HLCS: variants seen among roughly 807,000 people sequenced by gnomAD.
HLCS encodes holocarboxylase synthetase.
HLCS carries 53 observed loss-of-function variants against 75.0 expected under a neutral mutation model. That is an observed-to-expected ratio of 0.71 (90% CI 0.57 to 0.89). The LOEUF (loss-of-function observed/expected upper bound fraction) is 0.89, where lower values mean the gene tolerates loss of function less well. Ranked by LOEUF, HLCS falls within the 40% of genes least tolerant of loss-of-function variation. The pLI, the probability that HLCS is intolerant of heterozygous loss-of-function variation, is 0.00. For missense variants in HLCS, 966 were observed against 1,074.0 expected (o/e 0.90, Z 1.41); for synonymous variants, 431 against 428.6 (o/e 1.01, Z -0.07).
rs2089602423 is a variant in HLCS, at chr21:36,756,531, C to T, written c.2450+11G>A. On this transcript the variant is annotated intron_variant, in intron 10 of 10. Coordinates refer to ENST00000674895, the MANE Select transcript of HLCS (RefSeq NM_001352514.2). ...AGGAGTTGAAAAGAATGAAGATGAGCCAGCACTGACCTGTGGACCCAGTAT... is the reference window on the plus strand; with the variant it reads ...AGGAGTTGAAAAGAATGAAGATGAGTCAGCACTGACCTGTGGACCCAGTAT... The T allele has an allele frequency of 1.3e-6, 2 of 1,595,430 alleles. 1 individual carries two copies. The highest frequency in any genetic ancestry group is 2.7e-5 in the African/African-American group (2 of 74,140).
chr21:36,854,821 C>A (rs1601522833), intron 6 of HLCS, among the ~76,000 whole-genome samples: 1 of 152,254 alleles, frequency 6.6e-6, no homozygotes, highest in Non-Finnish European at 1.5e-5. Context: ...ACTGGACACA[C>A]ATTTAGATGA....
At chr21:36,925,454 G>A (rs947577255) in intron 5 of HLCS, among the ~76,000 whole-genome samples, 19 of 152,324 alleles carry the variant, frequency 1.2e-4, no homozygotes, top group African/African-American at 4.1e-4. Flanking sequence ...CCCAGGCTAC[G>A]GGAGCAATGC....
At chr21:36,772,065 C>T (rs1433520429) in intron 6 of HLCS, among the ~76,000 whole-genome samples, 2 of 151,002 alleles carry the variant, frequency 1.3e-5, no homozygotes, top group African/African-American at 2.4e-5. Flanking sequence ...GGGGAGTGAA[C>T]ATATTTGAAA....
rs764794827 is a variant in HLCS at position 36,938,888 on chromosome 21, GC to G, written c.436del (p.Ala146ArgfsTer28). On this transcript the variant is annotated frameshift_variant, in exon 3 of 11. Transcript: ENST00000674895. LOFTEE classifies it high-confidence loss of function. ...SVDNFSKLGV[A>X]FMEDRLHMDN... Reference sequence around the variant, plus strand: ...CATGTGGAGTCTATCTTCCATGAACGCCACCCCCAGCTTGCTGAAGTTGTCC... The same window carrying G: ...CATGTGGAGTCTATCTTCCATGAACGCACCCCCAGCTTGCTGAAGTTGTCC... The G allele has an allele frequency of 2.5e-6, 4 of 1,613,756 alleles. No individual in the cohort carries two copies. The East Asian group carries it at 6.7e-5, about 27-fold the overall frequency.
At chr21:36,758,784 C>T (rs2145740242) in intron 9 of HLCS, among the ~76,000 whole-genome samples, 1 of 152,164 alleles carries the variant, frequency 6.6e-6, no homozygotes, top group African/African-American at 2.4e-5. Flanking sequence ...AGTTTGATAC[C>T]AGCCTGGCCA....
In HLCS at chr21:36,842,742, C is replaced by CA. The variant is rs1341399720; in HGVS notation, c.1892+54117dup. 4.0e-5 allele frequency among the ~76,000 whole-genome samples: 6 copies of CA among 151,726 alleles called. No individual in the cohort carries two copies. The highest frequency in any genetic ancestry group is 1.5e-4 in the African/African-American group (6 of 41,250). Reference sequence around the variant, plus strand: ...TGGGCAACAGAGCAAGACTCAGTCTCAAAAAAACAAACAACAACCAAAAAA... The same window carrying CA: ...TGGGCAACAGAGCAAGACTCAGTCTCAAAAAAAACAAACAACAACCAAAAAA... On this transcript the variant is annotated intron_variant, in intron 6 of 10. Transcript: ENST00000674895. This position sits in a 1 kb window ranked among gnomAD's most constrained non-coding sequence, Gnocchi z 4.2.
At chr21:36,819,945 T>A (rs994052600) in intron 6 of HLCS, among the ~76,000 whole-genome samples, 1 of 152,220 alleles carries the variant, frequency 6.6e-6, no homozygotes, top group Non-Finnish European at 1.5e-5. Context: ...AAGGATTTTA[T>A]GAATAAATAA....
intron 5 of HLCS, among the ~76,000 whole-genome samples, chr21:36,918,850 C>T (rs1391008652): frequency 6.6e-6 from 1 of 152,220 alleles, no homozygotes; most frequent in African/African-American, 2.4e-5. Flanking sequence ...AGTTGTTTCT[C>T]TCTCACATTT....
chr21:36,777,009 C>T lies in HLCS; in HGVS notation c.1893-9724G>A, dbSNP rs2060380229. On this transcript the variant is annotated intron_variant, in intron 6 of 10. Transcript: ENST00000674895. ...AGAAAGAGTTCCCATATGTCCCCTTCCCCAACAGTTTCCTTATCATTCACA... is the reference window on the plus strand; with the variant it reads ...AGAAAGAGTTCCCATATGTCCCCTTTCCCAACAGTTTCCTTATCATTCACA... 2.0e-5 allele frequency among the ~76,000 whole-genome samples: 3 copies of T among 152,152 alleles called. No homozygotes were observed. The South Asian group carries it at 6.2e-4, about 32-fold the overall frequency.
intron 6 of HLCS, among the ~76,000 whole-genome samples, chr21:36,882,710 C>T (rs2064283020): frequency 6.6e-6 from 1 of 150,708 alleles, no homozygotes; most frequent in African/African-American, 2.4e-5. Context: ...ATCCACCCAC[C>T]TCGGCCTCCC....
intron 5 of HLCS, among the ~76,000 whole-genome samples, chr21:36,922,505 T>C (rs1601751133): frequency 6.6e-6 from 1 of 152,196 alleles, no homozygotes; most frequent in East Asian, 1.9e-4. Flanking sequence ...GACGCAGCCA[T>C]ACACAGGCAG....
chr21:36,990,141 GC>G (rs2069323630), intron 1 of HLCS: 1 of 152,466 alleles, frequency 6.6e-6, no homozygotes, highest in Non-Finnish European at 1.5e-5. Flanking sequence ...GTCCCGGCCC[GC>G]AGCGCCCCGA....
intron 6 of HLCS, among the ~76,000 whole-genome samples, chr21:36,886,011 G>A (rs1010699323): frequency 2.0e-5 from 3 of 151,810 alleles, no homozygotes; most frequent in East Asian, 1.9e-4. Context: ...ACCACGGGCT[G>A]ATATGCAATT....
intron 6 of HLCS, among the ~76,000 whole-genome samples, chr21:36,856,609 C>T (rs556485197): frequency 1.9e-3 from 285 of 152,058 alleles, no homozygotes; most frequent in African/African-American, 6.6e-3. Flanking sequence ...AGCATAAAAA[C>T]ATAAACTGTT....
intron 6 of HLCS, among the ~76,000 whole-genome samples, chr21:36,799,166 G>C (rs569506516): frequency 1.3e-5 from 2 of 152,254 alleles, no homozygotes; most frequent in African/African-American, 4.8e-5. Flanking sequence ...TTAGGTCTAT[G>C]ATCCGTTTTG....
intron 1 of HLCS, among the ~76,000 whole-genome samples, chr21:36,964,690 C>G (rs899868495): frequency 3.3e-5 from 5 of 152,170 alleles, no homozygotes; most frequent in Admixed American, 3.3e-4. Flanking sequence ...CCGGCCTGCA[C>G]AGGTAGGCAA....
At chr21:36,990,190 G>C in exon 1 of HLCS, 1 of 152,346 alleles carries the variant, frequency 6.6e-6, no homozygotes, top group South Asian at 2.1e-4. Flanking sequence ...CTCCTGCGCC[G>C]GGTGGTCGCC....
At chr21:36,877,005 C>G (rs1295314885) in intron 6 of HLCS, among the ~76,000 whole-genome samples, 1 of 152,182 alleles carries the variant, frequency 6.6e-6, no homozygotes, top group Non-Finnish European at 1.5e-5. Flanking sequence ...TGAAATATCC[C>G]TCCCCATCTT....
intron 6 of HLCS, among the ~76,000 whole-genome samples, chr21:36,880,213 G>A (rs2064150813): frequency 6.6e-6 from 1 of 152,110 alleles, no homozygotes; most frequent in Admixed American, 6.5e-5. Flanking sequence ...ATCTTACAAC[G>A]GTGCTCTATC....
Sources: gnomAD v4.1 joint callset for allele counts (sites outside exome capture counted in the v4.1 genomes callset) on GRCh38, gnomAD v4.1.1 for gene constraint, Gnocchi (gnomAD v3.1) non-coding constraint, MANE v1.5 for transcripts, NCBI Gene and HGNC (gene_info 2026-07-23, HGNC 2026-07-21) for gene names.